The following OPN5 variants were observed in gnomAD, a reference collection of about 807,000 sequenced individuals.
OPN5 encodes opsin 5.
A neutral mutation model predicts 41.7 loss-of-function variants in OPN5; 18 were observed. The ratio of observed to expected loss-of-function variants is 0.43; its 90% CI spans 0.30 to 0.64. The LOEUF is 0.64. OPN5 is among the 30% of genes least tolerant of loss of function. The probability of loss-of-function intolerance (pLI) is 0.13; values close to 1 mark genes in which losing one functional copy is unlikely to be tolerated. For synonymous variants in OPN5, 178 were observed against 164.3 expected (o/e 1.08, Z -0.64); for missense variants, 318 against 434.5 (o/e 0.73, Z 2.38).
chr6:47,804,979 A>G (rs1024420072), intron 4 of OPN5, among the ~76,000 whole-genome samples: 3 of 152,234 alleles, frequency 2.0e-5, no homozygotes, highest in Non-Finnish European at 4.4e-5. Flanking sequence ...CTTTGGCAGC[A>G]ACACAGAAAA....
At chr6:47,808,659 A>G (rs1235576400) in intron 5 of OPN5, among the ~76,000 whole-genome samples, 3 of 152,184 alleles carry the variant, frequency 2.0e-5, no homozygotes, top group Non-Finnish European at 4.4e-5. Context: ...CATTTGAGCA[A>G]CAACCACTAT....
chr6:47,812,290 T>A (rs1235080163), intron 6 of OPN5, among the ~76,000 whole-genome samples: 2 of 152,298 alleles, frequency 1.3e-5, no homozygotes, highest in East Asian at 3.9e-4. Context: ...TGGAAAACTC[T>A]CCTGTATCTC....
intron 3 of OPN5, chr6:47,794,910 G>C: frequency 4.1e-6 from 1 of 243,912 alleles, no homozygotes. Flanking sequence ...CACCCTTTCC[G>C]AGATGTTTTC....
intron 4 of OPN5, among the ~76,000 whole-genome samples, 198 bp downstream of exon 4, chr6:47,795,761 T>TTC (rs112984403): frequency 0.14 from 18,597 of 136,302 alleles, 1,217 homozygotes; most frequent in Middle Eastern, 0.19. Flanking sequence ...CACTTCTCTC[T>TTC]TCTCTCTCTC....
chr6:47,786,586 G>T (rs1370710652), exon 2 of OPN5: 1 of 1,611,538 alleles, frequency 6.2e-7, no homozygotes, highest in African/African-American at 1.3e-5. Flanking sequence ...GCTGAGACCC[G>T]CTGAAATAAT....
At chr6:47,814,671 C>A (rs1186372931) in intron 6 of OPN5, among the ~76,000 whole-genome samples, 1 of 152,130 alleles carries the variant, frequency 6.6e-6, no homozygotes, top group Non-Finnish European at 1.5e-5. Flanking sequence ...CAGTGGATAA[C>A]TTCCTGAGTG....
Position 47,814,056 on chromosome 6 carries a change from C to T in OPN5, c.1056+2325C>T, listed in dbSNP as rs117909620. ...AGATTATATCATTATATCATTATAA[C>T]GATATAGTTATAGATTATTGAGTTG... On this transcript the variant is annotated intron_variant, in intron 6 of 6. Transcript: ENST00000371211. 5.8e-4 allele frequency among the ~76,000 whole-genome samples: 88 copies of T among 151,958 alleles called. 1 individual carries two copies. In the East Asian group the frequency reaches 8.9e-3, roughly 15 times the overall value.
intron 4 of OPN5, among the ~76,000 whole-genome samples, chr6:47,803,382 G>A (rs1191581285): frequency 1.3e-5 from 2 of 152,028 alleles, no homozygotes; most frequent in East Asian, 3.9e-4. Context: ...TTTTCTTACT[G>A]GCCAGAATCA....
At chr6:47,804,716 A>G (rs1337942848) in intron 4 of OPN5, among the ~76,000 whole-genome samples, 1 of 152,046 alleles carries the variant, frequency 6.6e-6, no homozygotes, top group Non-Finnish European at 1.5e-5. Flanking sequence ...TCTGCTTTAA[A>G]CTCAATTTCT....
rs192894688 is a variant in OPN5, at chr6:47,786,212, C to T, written c.131-303C>T. On this transcript the variant is annotated intron_variant, in intron 1 of 6. Coordinates refer to ENST00000371211, the Ensembl canonical transcript of OPN5. ...AAAAATGGCTGAGGAAAGTACTCCA[C>T]TCTGGGGGCCAGGACAAGAACTGAC... is the stretch of plus-strand genomic sequence containing the variant. Among the ~76,000 whole-genome samples, 710 of 152,326 alleles carry T rather than the reference C, an allele frequency of 4.7e-3. 1 individual carries two copies. Among genetic ancestry groups the T allele is most frequent in the Non-Finnish European group, 8.5e-3 (579 of 68,022 alleles).
At chr6:47,819,114 G>T (rs1762517862) in intron 6 of OPN5, among the ~76,000 whole-genome samples, 1 of 151,738 alleles carries the variant, frequency 6.6e-6, no homozygotes, top group African/African-American at 2.4e-5. Context: ...AAGGAGGCAG[G>T]TGTGGCTTCT....
At chr6:47,809,693 G>A (rs1382722188) in intron 5 of OPN5, among the ~76,000 whole-genome samples, 3 of 152,194 alleles carry the variant, frequency 2.0e-5, no homozygotes, top group Non-Finnish European at 4.4e-5. Context: ...AGGGACAATT[G>A]TTAGTAGTGC....
intron 4 of OPN5, among the ~76,000 whole-genome samples, chr6:47,798,711 GAAAC>G (rs1379721716): frequency 6.6e-6 from 1 of 151,862 alleles, no homozygotes; most frequent in East Asian, 1.9e-4. Context: ...CTGATACTGA[GAAAC>G]AAACATAACT....
chr6:47,819,379 A>AATATATATATATATATAT lies in OPN5; in HGVS notation c.1057-4600_1057-4583dup, dbSNP rs544310153. 5.1e-3 allele frequency among the ~76,000 whole-genome samples: 498 copies of AATATATATATATATATAT among 96,916 alleles called. 3 individuals carry two copies. The highest frequency in any genetic ancestry group is 7.4e-3 in the Non-Finnish European group (333 of 45,292). 63.6% of individuals were successfully genotyped at this position (96,916 alleles called of 152,430 possible). A position where few individuals can be genotyped will look rare whatever the true frequency, so the allele number is the denominator to read the frequency against. ...AAAAATATATTACCGTATAAGTAGAAATATATATATATATATATATAAAAC... is the reference window on the plus strand; with the variant it reads ...AAAAATATATTACCGTATAAGTAGAAATATATATATATATATATATATATATATATATATATATAAAAC... On this transcript the variant is annotated intron_variant, in intron 6 of 6. Transcript: ENST00000371211.
rs192599224 is a variant in OPN5 at position 47,811,754 on chromosome 6, A to G, written c.1056+23A>G. On this transcript the variant is annotated intron_variant, in intron 6 of 6. Coordinates refer to ENST00000371211, the Ensembl canonical transcript of OPN5. ...GAGGTATGAAGATGGATACAGCATC[A>G]CTATGGACACTCGTATTCACTTATT... is the stretch of plus-strand genomic sequence containing the variant. 9.1e-4 allele frequency: 1,390 copies of G among 1,521,134 alleles called. 1 individual carries two copies. The highest frequency in any genetic ancestry group is 2.6e-3 in the Admixed American group (153 of 59,834). 94.2% of individuals were successfully genotyped at this position (1,521,134 alleles called of 1,614,324 possible).
chr6:47,796,628 G>T (rs567562540), intron 4 of OPN5, among the ~76,000 whole-genome samples: 8 of 152,114 alleles, frequency 5.3e-5, no homozygotes, highest in Admixed American at 2.6e-4. Flanking sequence ...ACGTTGATTG[G>T]TATCCTACCC....
chr6:47,796,420 T>C (rs1049918241), intron 4 of OPN5, among the ~76,000 whole-genome samples: 7 of 152,222 alleles, frequency 4.6e-5, no homozygotes, highest in African/African-American at 1.4e-4. Context: ...CACATGTTCA[T>C]GATTTTTTGC....
intron 4 of OPN5, among the ~76,000 whole-genome samples, chr6:47,803,059 C>T (rs768827780): frequency 6.6e-6 from 1 of 151,878 alleles, no homozygotes; most frequent in Non-Finnish European, 1.5e-5. Context: ...TTTTTCTTTA[C>T]AAGTTTATGG....
chr6:47,797,172 A>G (rs963877853), intron 4 of OPN5, among the ~76,000 whole-genome samples: 2 of 152,186 alleles, frequency 1.3e-5, no homozygotes, highest in Non-Finnish European at 2.9e-5. Context: ...GCCAAACCAT[A>G]TCACATACTG....
Sources: allele counts gnomAD v4.1 joint callset (sites outside exome capture counted in the v4.1 genomes callset), GRCh38; gene constraint gnomAD v4.1.1; transcripts MANE v1.5; gene names NCBI Gene and HGNC (gene_info 2026-07-23, HGNC 2026-07-21).